Variants in POU2F2 observed in about 807,000 individuals in gnomAD.
The protein encoded by POU2F2 is POU domain, class 2, transcription factor 2.
In POU2F2, 14 loss-of-function variants were observed where a neutral mutation model predicts 63.5. That is an observed-to-expected ratio of 0.22 (90% CI 0.15 to 0.34). The LOEUF (loss-of-function observed/expected upper bound fraction) is 0.34, where lower values mean the gene tolerates loss of function less well. Ranked by LOEUF, POU2F2 falls within the 10% of genes least tolerant of loss-of-function variation. POU2F2 has a pLI of 1.00. For synonymous variants in POU2F2, 306 were observed against 348.6 expected, an observed-to-expected ratio of 0.88 and a Z score of 1.36; for missense variants, 607 against 815.2, an observed-to-expected ratio of 0.74 and a Z score of 3.11.
chr19:42,195,377 G>T (rs190259209), intron 1 of POU2F2, among the ~76,000 whole-genome samples: 2 of 134,876 alleles, frequency 1.5e-5, no homozygotes, highest in East Asian at 4.5e-4. Context: ...CTGTCGCCCA[G>T]GCTGGAGTGC....
intron 5 of POU2F2, among the ~76,000 whole-genome samples, chr19:42,102,400 C>T (rs763480354): frequency 1.4e-4 from 22 of 152,130 alleles, no homozygotes; most frequent in Non-Finnish European, 2.6e-4. Context: ...CATGGGTGTG[C>T]TCACAGCTGT....
chr19:42,175,500 GA>G (rs1349263028), intron 1 of POU2F2, among the ~76,000 whole-genome samples: 2 of 151,174 alleles, frequency 1.3e-5, no homozygotes, highest in African/African-American at 4.9e-5. Flanking sequence ...GAAAAACGGA[GA>G]AAAAAGAAGG....
intron 5 of POU2F2, among the ~76,000 whole-genome samples, chr19:42,107,075 C>T (rs1448230198): frequency 7.2e-5 from 11 of 151,916 alleles, no homozygotes; most frequent in East Asian, 1.9e-4. Flanking sequence ...TGGCTGGGTG[C>T]GGTGGCTCAT....
At chr19:42,176,446 G>A (rs1332477287), upstream of POU2F2, among the ~76,000 whole-genome samples, 2 of 151,900 alleles carry the variant, frequency 1.3e-5, no homozygotes, top group Admixed American at 6.6e-5. Flanking sequence ...TCTAGTCTGC[G>A]CTCTTGACTC....
At chr19:42,173,972 A>C (rs2034821541) in intron 1 of POU2F2, among the ~76,000 whole-genome samples, 1 of 152,156 alleles carries the variant, frequency 6.6e-6, no homozygotes, top group Non-Finnish European at 1.5e-5. Flanking sequence ...TCACCCCCTG[A>C]CATGGGACGC....
chr19:42,091,393 G>A lies in POU2F2; in HGVS notation c.1739C>T (p.Ser580Phe). 6.5e-7 allele frequency: 1 copy of A among 1,544,786 alleles called. No individual in the cohort carries two copies. The highest frequency in any genetic ancestry group is 8.7e-7 in the Non-Finnish European group (1 of 1,146,884). The change falls in exon 15 of 15, where the codon TCC becomes TTC. Residue 580 changes from serine to phenylalanine, a missense_variant. By Grantham distance (155) the Ser-to-Phe change is radical. Coordinates refer to ENST00000692977, the MANE Select transcript of POU2F2 (RefSeq NM_001394376.1). ...GAGGCCAGGAGACTTGCTGGAGATG[G>A]AGGCTGCCACAGCCGCAGCCGCTGC... ...VSAAAAAVAA[S>F]ISSKSPGLSS... is the part of the protein sequence containing the mutation.
At chr19:42,131,489 C>T (rs1467454288) in intron 1 of POU2F2, among the ~76,000 whole-genome samples, 1 of 152,178 alleles carries the variant, frequency 6.6e-6, no homozygotes, top group Non-Finnish European at 1.5e-5. Context: ...GTTCCAGGCA[C>T]TGTGCTAAGC....
At chr19:42,175,970 C>CT (rs2034866870) in exon 1 of POU2F2, 1 of 152,084 alleles carries the variant, frequency 6.6e-6, no homozygotes, top group Non-Finnish European at 1.5e-5. Flanking sequence ...TACCTCTCCC[C>CT]CCCCATTGCA....
intron 1 of POU2F2, among the ~76,000 whole-genome samples, chr19:42,194,999 AAGGGAGGGAGAGAGGGAGGG>A (rs2035118267): frequency 1.3e-5 from 1 of 75,136 alleles, no homozygotes; most frequent in Non-Finnish European, 2.7e-5. Flanking sequence ...GGGAGGGAGG[AAGGGAGGGAGAGAGGGAGGG>A]AGGGAGGAAC....
chr19:42,170,631 G>A (rs1469216051), intron 1 of POU2F2, among the ~76,000 whole-genome samples: 1 of 152,184 alleles, frequency 6.6e-6, no homozygotes, highest in Non-Finnish European at 1.5e-5. Flanking sequence ...ATGCACACCA[G>A]GAGTCCCAAA....
chr19:42,191,546 G>T (rs1186433710), intron 1 of POU2F2, among the ~76,000 whole-genome samples: 1 of 152,190 alleles, frequency 6.6e-6, no homozygotes, highest in African/African-American at 2.4e-5. Context: ...CAAAATCCCA[G>T]CTGTGGTGCC....
chr19:42,133,296 A>G (rs1769440482), upstream of POU2F2: 1 of 152,186 alleles, frequency 6.6e-6, no homozygotes, highest in South Asian at 2.1e-4. This position sits in a 1 kb window ranked among gnomAD's most constrained non-coding sequence, Gnocchi z 5.1. Flanking sequence ...CCGGCTGCGG[A>G]GAAGGGAGCC....
chr19:42,139,232 A>G (rs1201424071), intron 2 of POU2F2, among the ~76,000 whole-genome samples: 1 of 152,170 alleles, frequency 6.6e-6, no homozygotes, highest in Non-Finnish European at 1.5e-5. Context: ...AGGCAGGAAA[A>G]TCGCTTGAAC....
At chr19:42,133,236 C>T (rs2033883017), upstream of POU2F2, among the ~76,000 whole-genome samples, 1 of 152,238 alleles carries the variant, frequency 6.6e-6, no homozygotes, top group Non-Finnish European at 1.5e-5. This position sits in a 1 kb window ranked among gnomAD's most constrained non-coding sequence, Gnocchi z 5.1. Flanking sequence ...CGCTTCCCTC[C>T]GTGCCCGCCA....
chr19:42,194,416 A>C (rs116993807), intron 1 of POU2F2, among the ~76,000 whole-genome samples: 2,966 of 151,742 alleles, frequency 0.02, 43 homozygotes, highest in Non-Finnish European at 0.03. Context: ...AGGAAGAAAG[A>C]AATGAAGGAA....
chr19:42,166,389 C>G (rs2034650811), intron 1 of POU2F2, among the ~76,000 whole-genome samples: 1 of 152,110 alleles, frequency 6.6e-6, no homozygotes, highest in Non-Finnish European at 1.5e-5. Flanking sequence ...CAATGCCTAA[C>G]ACCTGGCAGG....
intron 5 of POU2F2, among the ~76,000 whole-genome samples, chr19:42,114,288 A>G (rs1236339669): frequency 6.6e-6 from 1 of 152,054 alleles, no homozygotes; most frequent in Non-Finnish European, 1.5e-5. Context: ...TCTATCCTCT[A>G]GTCTTTGTTC....
intron 1 of POU2F2, among the ~76,000 whole-genome samples, chr19:42,174,753 ACT>A (rs2034840661): frequency 6.7e-6 from 1 of 149,912 alleles, no homozygotes; most frequent in South Asian, 2.1e-4. Context: ...CTGCACACTG[ACT>A]CTGTACCCAC....
chr19:42,106,422 AT>A (rs1004030691), intron 5 of POU2F2, among the ~76,000 whole-genome samples: 1 of 152,132 alleles, frequency 6.6e-6, no homozygotes, highest in African/African-American at 2.4e-5. Flanking sequence ...GATATATAGA[AT>A]TTCAAATGAA....
Sources: gnomAD v4.1 joint callset for allele counts (sites outside exome capture counted in the v4.1 genomes callset) on GRCh38, gnomAD v4.1.1 for gene constraint, Gnocchi (gnomAD v3.1) non-coding constraint, MANE v1.5 for transcripts, NCBI Gene and HGNC (gene_info 2026-07-23, HGNC 2026-07-21) for gene names.